Variants in TIA1 observed in about 807,000 individuals in gnomAD.
TIA1 encodes the protein cytotoxic granule associated RNA binding protein TIA1.
In TIA1, 23 loss-of-function variants were observed where a neutral mutation model predicts 65.9. That is an observed-to-expected ratio of 0.35 (90% CI 0.25 to 0.49). The LOEUF is 0.49. TIA1 is among the 20% of genes least tolerant of loss of function. TIA1 has a pLI of 0.98. For synonymous variants in TIA1, 147 were observed against 149.4 expected (o/e 0.98, Z 0.12); for missense variants, 371 against 477.9 (o/e 0.78, Z 2.09).
intron 7 of TIA1, 55 bp downstream of exon 7, chr2:70,224,499 G>C: frequency 6.2e-7 from 1 of 1,606,776 alleles, no homozygotes; most frequent in Non-Finnish European, 8.5e-7. Context: ...TTAAAACGGA[G>C]TGTTTCCATT....
intron 1 of TIA1, among the ~76,000 whole-genome samples, chr2:70,243,635 T>C (rs145356960): frequency 1.3e-4 from 20 of 152,320 alleles, no homozygotes; most frequent in African/African-American, 4.3e-4. Context: ...ATACTATGCC[T>C]GTAGACATCT....
rs1173327902 is a variant in TIA1, at chr2:70,211,273, A to G, written c.*1446T>C. On this transcript the variant is annotated 3_prime_UTR_variant, in exon 13 of 13. Coordinates refer to ENST00000433529, the MANE Select transcript of TIA1 (RefSeq NM_022173.4). The stretch of plus-strand genomic sequence containing the variant: ...GAAATTTCAAAACTAGAACAATGCC[A>G]TCAAAGATTAAACCTCTTAATGCTT... 6.6e-6 allele frequency: 1 copy of G among 152,232 alleles called. No homozygotes were observed. Among genetic ancestry groups the G allele is most frequent in the African/African-American group, 2.4e-5 (1 of 41,460 alleles). 9.4% of individuals were successfully genotyped at this position (152,232 alleles called of 1,614,324 possible).
At chr2:70,235,940 A>C in intron 2 of TIA1, 139 bp downstream of exon 2, 1 of 481,840 alleles carries the variant, frequency 2.1e-6, no homozygotes, top group Non-Finnish European at 3.6e-6. Context: ...TGGTAAACTA[A>C]GACTATATTT....
At chr2:70,234,518 G>C (rs926150010) in intron 2 of TIA1, among the ~76,000 whole-genome samples, 3 of 152,112 alleles carry the variant, frequency 2.0e-5, no homozygotes, top group African/African-American at 7.2e-5. Flanking sequence ...TCAGAACAAA[G>C]GTCTGACAAC....
In TIA1 at chr2:70,210,567, T is replaced by C. The variant is rs933923419; in HGVS notation, c.*2152A>G. 6.6e-6 allele frequency: 1 copy of C among 152,156 alleles called. No homozygotes were observed. Among genetic ancestry groups the C allele is most frequent in the African/African-American group, 2.4e-5 (1 of 41,454 alleles). 9.4% of individuals were successfully genotyped at this position (152,156 alleles called of 1,614,324 possible). A position where few individuals can be genotyped will look rare whatever the true frequency, so the allele number is the denominator to read the frequency against. ...TGCAATAAGCCAATATGCTGGATAA[T>C]AAAAACTGTTATTACTGGAGATAGT... On this transcript the variant is annotated 3_prime_UTR_variant, in exon 13 of 13. Transcript: ENST00000433529.
At chr2:70,247,071 AG>A (rs2104816114) in intron 1 of TIA1, among the ~76,000 whole-genome samples, 1 of 152,352 alleles carries the variant, frequency 6.6e-6, no homozygotes, top group South Asian at 2.1e-4. Flanking sequence ...AAGAGGCAAG[AG>A]GGAAGAGATT....
At chr2:70,212,972 G>A (rs1418782573) in intron 12 of TIA1, 127 bp from the exon 13 acceptor site, 1 of 644,902 alleles carries the variant, frequency 1.6e-6, no homozygotes, top group Non-Finnish European at 2.8e-6. Context: ...ATCCCAAATA[G>A]AATAATTTAT....
intron 7 of TIA1, among the ~76,000 whole-genome samples, chr2:70,222,776 A>C (rs1332884737): frequency 6.6e-6 from 1 of 152,166 alleles, no homozygotes; most frequent in African/African-American, 2.4e-5. Context: ...TTAGCCGTGC[A>C]TGGTGGCGGC....
intron 1 of TIA1, 129 bp downstream of exon 1, chr2:70,248,276 T>C (rs1695383547): frequency 9.2e-6 from 10 of 1,087,660 alleles, no homozygotes; most frequent in South Asian, 1.7e-5. Flanking sequence ...TCCAGGTGCA[T>C]GCTAAGGAAA....
intron 6 of TIA1, chr2:70,225,534 G>T: frequency 1.2e-6 from 1 of 822,664 alleles, no homozygotes; most frequent in Non-Finnish European, 1.6e-6. Flanking sequence ...ATGTCACAAT[G>T]CTTGCTCTCT....
intron 1 of TIA1, among the ~76,000 whole-genome samples, chr2:70,247,041 T>C (rs1694684334): frequency 6.6e-6 from 1 of 152,194 alleles, no homozygotes; most frequent in Non-Finnish European, 1.5e-5. Context: ...TAACCCAAAA[T>C]GCTGATGACT....
chr2:70,237,161 G>C (rs1689338641), intron 1 of TIA1, among the ~76,000 whole-genome samples: 1 of 152,182 alleles, frequency 6.6e-6, no homozygotes, highest in Non-Finnish European at 1.5e-5. Context: ...CCAGCACTTT[G>C]GGAAGCCAAG....
At position 70,216,477 on chromosome 2, in the gene TIA1, A is replaced by G. The variant is rs1678683821; in HGVS notation, c.606T>C (p.Tyr202=). The G allele has an allele frequency of 1.1e-5, 17 of 1,613,838 alleles. No homozygotes were observed. The highest frequency in any genetic ancestry group is 1.4e-5 in the Non-Finnish European group (16 of 1,179,896). ...GACTAGACTGATTTACAACCTCATC[A>G]TATGATAGCTGTTTGGTATTTGCTG... is the stretch of plus-strand genomic sequence containing the variant. The part of the protein sequence containing the change: ...TYESNTKQLS[Y]DEVVNQSSPS... Residue 202 remains tyrosine (Y), a synonymous_variant, in exon 9 of 13, where the codon TAT becomes TAC. Coordinates refer to ENST00000433529, the MANE Select transcript of TIA1 (RefSeq NM_022173.4).
At chr2:70,212,893 TAAA>T (rs761639780) in intron 12 of TIA1, 48 bp from the exon 13 acceptor site, 2 of 1,264,072 alleles carry the variant, frequency 1.6e-6, no homozygotes, top group African/African-American at 1.5e-5. Context: ...ATCCACTGAT[TAAA>T]ATAAAGTATT....
Position 70,227,768 on chromosome 2 carries a change from A to T in TIA1, c.365T>A (p.Ile122Lys). The T allele has an allele frequency of 6.3e-7, 1 of 1,596,174 alleles. No individual in the cohort carries two copies. Among genetic ancestry groups the T allele is most frequent in the Non-Finnish European group, 8.6e-7 (1 of 1,169,028 alleles). ...TCCAAATGGTGCAAAAGCAGCTTTT[A>T]TATCTTCAGTTGTAATTTCTGGGCT... is the stretch of plus-strand genomic sequence containing the variant. ...DLSPEITTED[I>K]KAAFAPFGRI... is the part of the protein sequence containing the mutation. The change falls in exon 6 of 13, where the codon ATA (isoleucine) becomes AAA (lysine). Residue 122 changes from isoleucine to lysine, a missense_variant. Transcript: ENST00000433529.
chr2:70,232,216 A>G (rs1230929494), intron 2 of TIA1, among the ~76,000 whole-genome samples: 1 of 146,100 alleles, frequency 6.8e-6, no homozygotes, highest in Non-Finnish European at 1.5e-5. Flanking sequence ...CTCAAAAAAA[A>G]AAAAAAAAAG....
chr2:70,245,922 T>A (rs1005103763), intron 1 of TIA1, among the ~76,000 whole-genome samples: 3 of 62,022 alleles, frequency 4.8e-5, no homozygotes, highest in Middle Eastern at 5.7e-3. Context: ...AGATTTTTTT[T>A]TTTTTTTTTT....
At chr2:70,239,216 C>T (rs1203638315) in intron 1 of TIA1, among the ~76,000 whole-genome samples, 1 of 152,110 alleles carries the variant, frequency 6.6e-6, no homozygotes, top group East Asian at 1.9e-4. Flanking sequence ...CCTCAGCCTC[C>T]CGAGTAGCTG....
At chr2:70,215,616 C>G (rs753072375) in intron 10 of TIA1, 122 bp from the exon 11 acceptor site, 9 of 900,904 alleles carry the variant, frequency 1.0e-5, no homozygotes, top group Non-Finnish European at 1.4e-5. Flanking sequence ...GGCATATTTT[C>G]TTTGCTATTT....
Sources: allele counts gnomAD v4.1 joint callset (sites outside exome capture counted in the v4.1 genomes callset), GRCh38; gene constraint gnomAD v4.1.1; transcripts MANE v1.5; gene names NCBI Gene and HGNC (gene_info 2026-07-23, HGNC 2026-07-21).